PEAK1: variants seen among roughly 807,000 people sequenced by gnomAD.
The protein encoded by PEAK1 is pseudopodium enriched atypical kinase 1.
A neutral mutation model predicts 124.7 loss-of-function variants in PEAK1; 54 were observed. That is an observed-to-expected ratio of 0.43 (90% CI 0.35 to 0.54). The LOEUF is 0.54. Among genes scored for constraint, PEAK1 ranks in the 20% least tolerant of loss-of-function variants. The pLI is 0.01. For missense variants in PEAK1, 2,046 were observed against 2,134.5 expected (o/e 0.96, Z 0.82); for synonymous variants, 719 against 760.0 (o/e 0.95, Z 0.89).
In PEAK1 at chr15:77,230,814, C is replaced by T. The variant is rs546655325; in HGVS notation, c.-115+21553G>A. Among the ~76,000 whole-genome samples the T allele has an allele frequency of 2.6e-5, 4 of 152,100 alleles. No individual in the cohort carries two copies. The South Asian group carries it at 8.3e-4, about 32-fold the overall frequency. On this transcript the variant is annotated intron_variant, in intron 6 of 9. Transcript: ENST00000682557. ...TACCACTACACTCCAGCCTAGGAGA[C>T]AGAGTGAGACCCTGTCTCAAACAAG...
intron 2 of PEAK1, among the ~76,000 whole-genome samples, chr15:77,303,099 C>T (rs1238817858): frequency 6.6e-6 from 1 of 152,164 alleles, no homozygotes; most frequent in Non-Finnish European, 1.5e-5. Context: ...GATTTCATAG[C>T]TCTTTTTAGT....
Position 77,347,179 on chromosome 15 carries a change from G to T in PEAK1, c.-603+17984C>A, listed in dbSNP as rs138064467. On this transcript the variant is annotated intron_variant, in intron 2 of 9. Coordinates refer to ENST00000682557, the MANE Select transcript of PEAK1 (RefSeq NM_001385026.1). ...GTGTAGCTGGAGTTTTGTGAACAAC[G>T]TTAACAACGGCAGAAGATAAGATCT... 1.0e-3 allele frequency: 995 copies of T among 963,476 alleles called. 5 individuals are homozygous for T. The African/African-American group carries it at 0.016, about 15-fold the overall frequency. 59.7% of individuals were successfully genotyped at this position (963,476 alleles called of 1,614,324 possible). A position where few individuals can be genotyped will look rare whatever the true frequency, so the allele number is the denominator to read the frequency against.
At chr15:77,383,626 T>C (rs527525276) in intron 1 of PEAK1, among the ~76,000 whole-genome samples, 2 of 152,324 alleles carry the variant, frequency 1.3e-5, no homozygotes, top group African/African-American at 2.4e-5. Flanking sequence ...TACTCAGTTA[T>C]AGCCTCAAAC....
exon 7 of PEAK1, chr15:77,102,336 T>C (rs1596188602): frequency 6.6e-6 from 1 of 152,350 alleles, no homozygotes; most frequent in East Asian, 1.9e-4. Context: ...TGAAATCTTT[T>C]TTCTGGGTTA....
intron 6 of PEAK1, among the ~76,000 whole-genome samples, chr15:77,201,403 AT>A (rs1251707917): frequency 2.0e-5 from 3 of 150,982 alleles, no homozygotes; most frequent in Non-Finnish European, 4.4e-5. Flanking sequence ...ACACCTGGCT[AT>A]TTTTTTTGTA....
At chr15:77,269,561 A>C (rs2061922265) in intron 5 of PEAK1, among the ~76,000 whole-genome samples, 1 of 152,152 alleles carries the variant, frequency 6.6e-6, no homozygotes. Flanking sequence ...CAACAACAAA[A>C]TAATAGTGGG....
chr15:77,308,945 A>G (rs899713763), intron 2 of PEAK1, among the ~76,000 whole-genome samples: 7 of 152,122 alleles, frequency 4.6e-5, no homozygotes, highest in African/African-American at 1.7e-4. Context: ...AAGCCAAAAA[A>G]AATCCAAAAA....
At chr15:77,389,514 T>C (rs1434777167) in intron 1 of PEAK1, among the ~76,000 whole-genome samples, 3 of 152,182 alleles carry the variant, frequency 2.0e-5, no homozygotes, top group Non-Finnish European at 2.9e-5. Flanking sequence ...GTAACAAAGC[T>C]GGGATGATAA....
chr15:77,352,585 A>G, intron 2 of PEAK1: 1 of 944,976 alleles, frequency 1.1e-6, no homozygotes, highest in Non-Finnish European at 1.3e-6. Context: ...TATATATAAA[A>G]CTACAAATTG....
intron 6 of PEAK1, among the ~76,000 whole-genome samples, chr15:77,247,485 CT>C (rs398028029): frequency 0.17 from 14,394 of 83,648 alleles, 222 homozygotes; most frequent in Middle Eastern, 0.32. Flanking sequence ...CTTTTCTTTT[CT>C]TTTTTTTTTT....
At chr15:77,401,656 T>C (rs1323255996) in intron 1 of PEAK1, 12 of 985,062 alleles carry the variant, frequency 1.2e-5, no homozygotes, top group Non-Finnish European at 1.3e-5. Context: ...AGAACTTCAA[T>C]GGACATTGCC....
chr15:77,157,718 A>G (rs1387410003), intron 8 of PEAK1: 1 of 152,002 alleles, frequency 6.6e-6, no homozygotes, highest in Non-Finnish European at 1.5e-5. Context: ...AATCTTGTGT[A>G]TTTTTCGTCT....
rs531166060 is a variant in PEAK1 at position 77,395,595 on chromosome 15, T to C, written c.-666+24411A>G. Among the ~76,000 whole-genome samples, 16 of 152,058 alleles carry C rather than the reference T, an allele frequency of 1.1e-4. No individual in the cohort carries two copies. In the South Asian group the frequency reaches 3.1e-3, roughly 30 times the overall value. ...CAAATAACATACAGTGTAGCTCCAA[T>C]AAGACTGGCGGGAGACTTTTCAGTG... On this transcript the variant is annotated intron_variant, in intron 1 of 9. Coordinates refer to ENST00000682557, the MANE Select transcript of PEAK1 (RefSeq NM_001385026.1).
At chr15:77,364,830 C>A (rs960301392) in intron 2 of PEAK1, among the ~76,000 whole-genome samples, 2 of 152,128 alleles carry the variant, frequency 1.3e-5, no homozygotes, top group Non-Finnish European at 2.9e-5. Flanking sequence ...TATGATTTAA[C>A]TAATGGAAGA....
At chr15:77,194,331 ACTTTAACT>A (rs1465457770) in intron 6 of PEAK1, among the ~76,000 whole-genome samples, 2 of 152,170 alleles carry the variant, frequency 1.3e-5, no homozygotes, top group Non-Finnish European at 2.9e-5. Flanking sequence ...CTCCTTAACT[ACTTTAACT>A]CTTCATAAAG....
At chr15:77,253,249 G>GA (rs905982715) in intron 5 of PEAK1, among the ~76,000 whole-genome samples, 1 of 148,342 alleles carries the variant, frequency 6.7e-6, no homozygotes, top group Non-Finnish European at 1.5e-5. Flanking sequence ...ATGCGTTGGG[G>GA]GGGGGGTGGT....
intron 8 of PEAK1, among the ~76,000 whole-genome samples, chr15:77,147,169 C>G (rs1473155491): frequency 1.3e-5 from 2 of 152,148 alleles, no homozygotes; most frequent in Non-Finnish European, 2.9e-5. Flanking sequence ...AAAAGAAAAG[C>G]CAGCTGATTA....
In PEAK1 at chr15:77,180,517, T is replaced by C; in HGVS notation, c.1410A>G (p.Pro470=). ...CCACGACAGTATATGGCTTGCACAA[T>C]GGCTGTTCCAGGTTCACAACTCGGT... ...KPYRVVNLEQ[P]LCKPYTVVDV... is the part of the protein sequence containing the mutation. Residue 470 remains proline, a synonymous_variant, in exon 7 of 10, where the codon CCA becomes CCG. Transcript: ENST00000682557. 2 of 1,614,110 alleles carry C rather than the reference T, an allele frequency of 1.2e-6. No individual in the cohort carries two copies. Among genetic ancestry groups the C allele is most frequent in the South Asian group, 2.2e-5 (2 of 91,080 alleles).
chr15:77,253,723 A>G lies in PEAK1; in HGVS notation c.-274-1197T>C, dbSNP rs141663522. ...GTCATTCCATAATTTTTTGTCTTCG[A>G]TTTTTCTGATAAGTCAGCTGTCAGT... On this transcript the variant is annotated intron_variant, in intron 5 of 9. Coordinates refer to ENST00000682557, the MANE Select transcript of PEAK1 (RefSeq NM_001385026.1). 1.4e-3 allele frequency among the ~76,000 whole-genome samples: 208 copies of G among 151,582 alleles called. 1 individual carries two copies. Among genetic ancestry groups the G allele is most frequent in the Non-Finnish European group, 2.5e-3 (170 of 67,822 alleles).
Sources: gnomAD v4.1 joint callset for allele counts (sites outside exome capture counted in the v4.1 genomes callset) on GRCh38, gnomAD v4.1.1 for gene constraint, MANE v1.5 for transcripts, NCBI Gene and HGNC (gene_info 2026-07-23, HGNC 2026-07-21) for gene names.